CST1: variants seen among roughly 807,000 people sequenced by gnomAD.
The protein encoded by CST1 is cystatin-SN.
In CST1, 19 loss-of-function variants were observed where a neutral mutation model predicts 10.7. The ratio of observed to expected loss-of-function variants is 1.78; its 90% CI spans 1.24 to 2.61. The LOEUF (loss-of-function observed/expected upper bound fraction) is 2.61, where lower values mean the gene tolerates loss of function less well. Among genes scored for constraint, CST1 ranks in the 30% most tolerant of loss-of-function variants. The pLI, the probability that CST1 is intolerant of heterozygous loss-of-function variation, is 0.00. For synonymous variants in CST1, 95 were observed against 72.8 expected (o/e 1.31, Z -1.55); for missense variants, 247 against 178.1 (o/e 1.39, Z -2.20).
chr20:23,750,587 G>C, intron 1 of CST1, 52 bp downstream of exon 1: 1 of 1,532,146 alleles, frequency 6.5e-7, no homozygotes, highest in Non-Finnish European at 9.0e-7. Flanking sequence ...TTGGGGGTTG[G>C]GGAACAAACC....
chr20:23,750,157 C>A (rs546054650), intron 1 of CST1, among the ~76,000 whole-genome samples: 1 of 152,072 alleles, frequency 6.6e-6, no homozygotes, highest in East Asian at 1.9e-4. Context: ...AGGGACTCAG[C>A]GCCCTGGGCT....
rs781009510 is a variant in CST1, at chr20:23,750,676, T to C, written c.191A>G (p.Tyr64Cys). 24 of 1,613,894 alleles carry C rather than the reference T, an allele frequency of 1.5e-5. No individual in the cohort carries two copies. The highest frequency in any genetic ancestry group is 1.7e-5 in the Non-Finnish European group (20 of 1,180,032). ...TCTTAGTACCCGCAGCGGACGTCTG[T>C]AGTAGTCATCTTTGGTGGCCTTGTT... ...EYNKATKDDY[Y>C]RRPLRVLRAR... Residue 64 changes from tyrosine (Y) to cysteine (C), a missense_variant, in exon 1 of 3, where the codon TAC (tyrosine) becomes TGC (cysteine). Coordinates refer to ENST00000304749, the MANE Select transcript of CST1 (RefSeq NM_001898.3).
In CST1 at chr20:23,749,096, C is replaced by G; in HGVS notation, c.262G>C (p.Glu88Gln). ...VGGVNYFFDV[E>Q]VGRTICTKSQ... ...TTGGTACATATGGTGCGGCCCACCT[C>G]TACGTCGAAGAAGTAATTCACCCCC... Residue 88 changes from glutamate to glutamine, a missense_variant, in exon 2 of 3, where the codon GAG (glutamate) becomes CAG (glutamine). Physicochemically the swap from Glu to Gln is conservative, Grantham distance 29. Transcript: ENST00000304749. 2 of 1,614,174 alleles carry G rather than the reference C, an allele frequency of 1.2e-6. No individual in the cohort carries two copies. The highest frequency in any genetic ancestry group is 1.7e-6 in the Non-Finnish European group (2 of 1,180,036).
intron 1 of CST1, among the ~76,000 whole-genome samples, chr20:23,750,114 G>A (rs1426316504): frequency 6.6e-6 from 1 of 152,046 alleles, no homozygotes; most frequent in African/African-American, 2.4e-5. Context: ...GCATCAGCTG[G>A]TAGAGGCAGG....
intron 1 of CST1, 22 bp from the exon 2 acceptor site, chr20:23,749,151 A>C: frequency 2.5e-6 from 4 of 1,613,376 alleles, no homozygotes; most frequent in Non-Finnish European, 3.4e-6. Context: ...AGAAAACAGG[A>C]CAGCGCCCCC....
intron 1 of CST1, among the ~76,000 whole-genome samples, chr20:23,749,636 G>A (rs1025077551): frequency 2.6e-5 from 4 of 152,002 alleles, no homozygotes; most frequent in Admixed American, 2.6e-4. Context: ...CCCTTTCCCT[G>A]CATAGGGCCT....
chr20:23,748,209 CA>C (rs1296827175), intron 2 of CST1, among the ~76,000 whole-genome samples: 1 of 152,064 alleles, frequency 6.6e-6, no homozygotes, highest in Non-Finnish European at 1.5e-5. Context: ...CATGGGGAGG[CA>C]GCTCAGTTCC....
chr20:23,750,674 TGTA>T lies in CST1; in HGVS notation c.190_192del (p.Tyr64del). On this transcript the variant is annotated inframe_deletion, in exon 1 of 3. Coordinates refer to ENST00000304749, the MANE Select transcript of CST1 (RefSeq NM_001898.3). ...GCTCTTAGTACCCGCAGCGGACGTC[TGTA>T]GTAGTCATCTTTGGTGGCCTTGTTA... 6.2e-7 allele frequency: 1 copy of T among 1,614,036 alleles called. No individual in the cohort carries two copies.
rs763163192 is a variant in CST1, at chr20:23,749,146, A to G, written c.229-17T>C. The G allele has an allele frequency of 2.5e-6, 4 of 1,613,564 alleles. No individual in the cohort carries two copies. Among genetic ancestry groups the G allele is most frequent in the Non-Finnish European group, 3.4e-6 (4 of 1,179,612 alleles). On this transcript the variant is annotated splice_polypyrimidine_tract_variant and intron_variant, in intron 1 of 2. Transcript: ENST00000304749. ...CCCAACGGTCTGCACACAGGAGAAA[A>G]CAGGACAGCGCCCCCATCAGTTCAT... is the stretch of plus-strand genomic sequence containing the variant.
intron 1 of CST1, among the ~76,000 whole-genome samples, chr20:23,750,345 G>A (rs1309370071): frequency 6.6e-6 from 1 of 152,162 alleles, no homozygotes; most frequent in Non-Finnish European, 1.5e-5. Flanking sequence ...ATCCTGAGCA[G>A]CATCAAGCCC....
In CST1 at chr20:23,750,705, C is replaced by T; in HGVS notation, c.162G>A (p.Glu54=). The T allele has an allele frequency of 1.2e-6, 2 of 1,614,174 alleles. No homozygotes were observed. The highest frequency in any genetic ancestry group is 2.2e-5 in the East Asian group (1 of 44,866). ...VQRALHFAIS[E]YNKATKDDYY... Reference sequence around the variant, plus strand: ...AGTCATCTTTGGTGGCCTTGTTATACTCGCTGATGGCGAAGTGAAGGGCAC... The same window carrying T: ...AGTCATCTTTGGTGGCCTTGTTATATTCGCTGATGGCGAAGTGAAGGGCAC... The change falls in exon 1 of 3, where the codon GAG becomes GAA. Residue 54 remains glutamate (E), a synonymous_variant. Transcript: ENST00000304749.
chr20:23,748,969 C>T, intron 2 of CST1, 47 bp downstream of exon 2: 4 of 1,608,730 alleles, frequency 2.5e-6, no homozygotes, highest in Non-Finnish European at 3.4e-6. Flanking sequence ...CACATACGCA[C>T]CCCTCTGCAG....
chr20:23,750,926 G>A lies in CST1; in HGVS notation c.-60C>T. The A allele has an allele frequency of 2.8e-6, 4 of 1,410,104 alleles. No individual in the cohort carries two copies. The highest frequency in any genetic ancestry group is 3.9e-6 in the Non-Finnish European group (4 of 1,030,446). 87.3% of individuals were successfully genotyped at this position (1,410,104 alleles called of 1,614,324 possible). A position where few individuals can be genotyped will look rare whatever the true frequency, so the allele number is the denominator to read the frequency against. On this transcript the variant is annotated 5_prime_UTR_variant, in exon 1 of 3. Coordinates refer to ENST00000304749, the MANE Select transcript of CST1 (RefSeq NM_001898.3). ...GCAGGAGAGGAGGGTGAGAGCCCGA[G>A]GCAGGGAGCCCAGACCAGCAGGCAG...
intron 1 of CST1, among the ~76,000 whole-genome samples, chr20:23,749,356 TG>T (rs1982766876): frequency 6.6e-6 from 1 of 152,218 alleles, no homozygotes; most frequent in African/African-American, 2.4e-5. Context: ...TGAATTCTGC[TG>T]TCTGTGGCTC....
intron 1 of CST1, among the ~76,000 whole-genome samples, chr20:23,750,268 C>G (rs564402414): frequency 1.6e-4 from 24 of 152,126 alleles, no homozygotes; most frequent in African/African-American, 5.8e-4. Context: ...GAACAGTGAG[C>G]CAGGTTCCTG....
At chr20:23,749,185 C>A in intron 1 of CST1, 56 bp from the exon 2 acceptor site, 1 of 1,540,532 alleles carries the variant, frequency 6.5e-7, no homozygotes, top group Non-Finnish European at 9.0e-7. Context: ...CTCACAGGCA[C>A]TTCACTGTGG....
Position 23,750,635 on chromosome 20 carries a change from C to T in CST1, c.228+4G>A. ...AGGACCCCTGGGGTGGAGGGAGCAC[C>T]TACCTGTTGCCTGGCTCTTAGTACC... On this transcript the variant is annotated splice_donor_region_variant and intron_variant, in intron 1 of 2. Transcript: ENST00000304749. 1 of 1,613,672 alleles carries T rather than the reference C, an allele frequency of 6.2e-7. No homozygotes were observed. The highest frequency in any genetic ancestry group is 8.5e-7 in the Non-Finnish European group (1 of 1,179,952).
At chr20:23,748,257 T>C (rs1982724802) in intron 2 of CST1, among the ~76,000 whole-genome samples, 1 of 151,838 alleles carries the variant, frequency 6.6e-6, no homozygotes, top group Admixed American at 6.6e-5. Flanking sequence ...AGGCCAGCAC[T>C]AAGAGGGGCC....
In CST1 at chr20:23,750,725, G is replaced by T. The variant is rs1176747781; in HGVS notation, c.142C>A (p.Leu48Ile). Residue 48 changes from leucine to isoleucine, a missense_variant, in exon 1 of 3, where the codon CTT becomes ATT. Coordinates refer to ENST00000304749, the MANE Select transcript of CST1 (RefSeq NM_001898.3). ...DLNDEWVQRA[L>I]HFAISEYNKA... The stretch of plus-strand genomic sequence containing the variant: ...TTATACTCGCTGATGGCGAAGTGAA[G>T]GGCACGCTGTACCCACTCATCATTG... 1 of 1,614,136 alleles carries T rather than the reference G, an allele frequency of 6.2e-7. No individual in the cohort carries two copies.
Sources: allele counts gnomAD v4.1 joint callset (sites outside exome capture counted in the v4.1 genomes callset), GRCh38; gene constraint gnomAD v4.1.1; transcripts MANE v1.5; gene names NCBI Gene and HGNC (gene_info 2026-07-23, HGNC 2026-07-21).